PAPPA2: variants seen among roughly 807,000 people sequenced by gnomAD.
PAPPA2 encodes the protein pappalysin-2.
In PAPPA2, 86 loss-of-function variants were observed where a neutral mutation model predicts 176.4. The observed-to-expected ratio is 0.49, with a 90% CI of 0.41 to 0.58. The LOEUF is 0.58. PAPPA2 is among the 20% of genes least tolerant of loss of function. The pLI is 0.00. For synonymous variants in PAPPA2, 809 were observed against 852.2 expected (o/e 0.95, Z 0.88); for missense variants, 2,073 against 2,256.9 (o/e 0.92, Z 1.65).
chr1:176,723,381 T>G lies in PAPPA2; in HGVS notation c.3798+11400T>G, dbSNP rs997484952. ...AAAAATTATTAATATAATTGAAAGT[T>G]CAGTTAATATATAAGACCTGTTAAG... On this transcript the variant is annotated intron_variant, in intron 12 of 22. Transcript: ENST00000367662. Among the ~76,000 whole-genome samples the G allele has an allele frequency of 2.0e-5, 3 of 152,092 alleles. 1 individual carries two copies. The South Asian group carries it at 6.2e-4, about 31-fold the overall frequency.
intron 21 of PAPPA2, among the ~76,000 whole-genome samples, chr1:176,816,241 G>GTGTA (rs371109914): frequency 1.4e-4 from 16 of 113,518 alleles, no homozygotes; most frequent in East Asian, 2.5e-4. Context: ...GTGTGTGTGT[G>GTGTA]TATATATATA....
chr1:176,664,888 G>GT (rs1274658112), intron 3 of PAPPA2, among the ~76,000 whole-genome samples: 3 of 152,128 alleles, frequency 2.0e-5, no homozygotes, highest in Non-Finnish European at 4.4e-5. Context: ...TAATAATTAT[G>GT]TCTGGTCTCT....
chr1:176,719,598 GT>G (rs1448535433), intron 12 of PAPPA2, among the ~76,000 whole-genome samples: 2 of 151,884 alleles, frequency 1.3e-5, no homozygotes, highest in African/African-American at 4.8e-5. Flanking sequence ...CTTCCTTTTT[GT>G]CACAACTTAT....
chr1:176,504,874 T>C (rs960482663), intron 1 of PAPPA2, among the ~76,000 whole-genome samples: 6 of 152,108 alleles, frequency 3.9e-5, no homozygotes, highest in East Asian at 1.9e-4. Flanking sequence ...AGATGGATGA[T>C]GAAATGAAGA....
intron 1 of PAPPA2, among the ~76,000 whole-genome samples, chr1:176,488,506 A>C (rs1338136848): frequency 1.3e-5 from 2 of 152,190 alleles, no homozygotes; most frequent in Non-Finnish European, 2.9e-5. Context: ...GTCACTCAGC[A>C]GCTGTATGAC....
intron 3 of PAPPA2, among the ~76,000 whole-genome samples, chr1:176,599,192 TA>T (rs1042742914): frequency 1.7e-4 from 18 of 107,932 alleles, no homozygotes; most frequent in African/African-American, 3.2e-5. Context: ...TGTATGTACA[TA>T]TATATATATA....
intron 3 of PAPPA2, among the ~76,000 whole-genome samples, chr1:176,628,072 A>G (rs1177307972): frequency 6.6e-6 from 1 of 152,200 alleles, no homozygotes; most frequent in Non-Finnish European, 1.5e-5. Context: ...AAGACCATGC[A>G]TTCAAATTGA....
At chr1:176,739,488 A>G in intron 12 of PAPPA2, 138 bp from the exon 13 acceptor site, 1 of 851,870 alleles carries the variant, frequency 1.2e-6, no homozygotes, top group Non-Finnish European at 1.7e-6. Context: ...TCTACTCCAT[A>G]TTTTTAGCAT....
chr1:176,740,243 A>G lies in PAPPA2; in HGVS notation c.4151+47A>G, dbSNP rs937997817. 5 of 1,543,228 alleles carry G rather than the reference A, an allele frequency of 3.2e-6. No homozygotes were observed. The African/African-American group carries it at 4.1e-5, about 13-fold the overall frequency. On this transcript the variant is annotated intron_variant, in intron 14 of 22. Transcript: ENST00000367662. ...TTTTGTTTCCTTTTCTTGTGGCTCT[A>G]ATGATTGGCTCACATTTACATAGTG...
chr1:176,809,951 AGTGTGTGTGTGTGTGTGTGTGTGTGT>A (rs55858181), intron 21 of PAPPA2, among the ~76,000 whole-genome samples: 12 of 133,706 alleles, frequency 9.0e-5, no homozygotes, highest in Admixed American at 3.7e-4. Flanking sequence ...GACAAGATGC[AGTGTGTGTGTGTGTGTGTGTGTGTGT>A]GTGTGTGTGT....
intron 2 of PAPPA2, among the ~76,000 whole-genome samples, chr1:176,592,466 G>A (rs1422480856): frequency 6.6e-6 from 1 of 152,030 alleles, no homozygotes; most frequent in African/African-American, 2.4e-5. Flanking sequence ...CTTCTATTTA[G>A]TATTTCAAGA....
intron 1 of PAPPA2, among the ~76,000 whole-genome samples, chr1:176,494,698 C>T (rs532896637): frequency 1.8e-4 from 27 of 152,316 alleles, no homozygotes; most frequent in African/African-American, 6.3e-4. Context: ...CCCACCCGGC[C>T]TTCTGATAAC....
Position 176,674,672 on chromosome 1 carries a change from G to A in PAPPA2, c.2137+3557G>A, listed in dbSNP as rs1346842071. 4.7e-5 allele frequency among the ~76,000 whole-genome samples: 7 copies of A among 149,094 alleles called. No individual in the cohort carries two copies. In the South Asian group the frequency reaches 6.3e-4, roughly 13 times the overall value. ...TTTTTCCACTCATTGATTAATGGACGTTTGGACTGGTTCCATATTGCTGCA... is the reference window on the plus strand; with the variant it reads ...TTTTTCCACTCATTGATTAATGGACATTTGGACTGGTTCCATATTGCTGCA... On this transcript the variant is annotated intron_variant, in intron 4 of 22. Coordinates refer to ENST00000367662, the MANE Select transcript of PAPPA2 (RefSeq NM_020318.3).
At chr1:176,821,876 C>A (rs931989437) in intron 21 of PAPPA2, among the ~76,000 whole-genome samples, 7 of 152,186 alleles carry the variant, frequency 4.6e-5, no homozygotes, top group Non-Finnish European at 8.8e-5. Context: ...TCAGCCTTTG[C>A]AGTCGCAAGC....
chr1:176,476,126 C>A (rs1005687422), intron 1 of PAPPA2, among the ~76,000 whole-genome samples: 15 of 152,148 alleles, frequency 9.9e-5, no homozygotes, highest in African/African-American at 3.6e-4. Context: ...CACACAGCAT[C>A]CTTTTACAAG....
chr1:176,827,579 A>T (rs1666909199), intron 21 of PAPPA2, among the ~76,000 whole-genome samples: 1 of 152,152 alleles, frequency 6.6e-6, no homozygotes, highest in African/African-American at 2.4e-5. Flanking sequence ...TATCATTCTT[A>T]TTAGTGGTAC....
At chr1:176,640,421 CTA>C (rs1657005835) in intron 3 of PAPPA2, among the ~76,000 whole-genome samples, 1 of 148,536 alleles carries the variant, frequency 6.7e-6, no homozygotes, top group Non-Finnish European at 1.5e-5. Context: ...CAATTCCCAC[CTA>C]TGAGTGAGAA....
chr1:176,838,474 A>G (rs1395128190), intron 21 of PAPPA2, among the ~76,000 whole-genome samples: 1 of 152,240 alleles, frequency 6.6e-6, no homozygotes, highest in Non-Finnish European at 1.5e-5. Flanking sequence ...ATGTAGTGCT[A>G]GATGAATAAG....
At chr1:176,732,033 G>T (rs969355959) in intron 12 of PAPPA2, among the ~76,000 whole-genome samples, 7 of 152,054 alleles carry the variant, frequency 4.6e-5, no homozygotes. Flanking sequence ...AATATAATTA[G>T]TCAGATGCTA....
Sources: allele counts gnomAD v4.1 joint callset (sites outside exome capture counted in the v4.1 genomes callset), GRCh38; gene constraint gnomAD v4.1.1; transcripts MANE v1.5; gene names NCBI Gene and HGNC (gene_info 2026-07-23, HGNC 2026-07-21).